CACNA2D1: variants seen among roughly 807,000 people sequenced by gnomAD.
CACNA2D1 encodes voltage-dependent calcium channel subunit alpha-2/delta-1.
CACNA2D1 carries 53 observed loss-of-function variants against 171.5 expected under a neutral mutation model. The observed-to-expected ratio is 0.31, with a 90% CI of 0.25 to 0.39. The LOEUF is 0.39. CACNA2D1 is among the 10% of genes least tolerant of loss of function. The pLI, the probability that CACNA2D1 is intolerant of heterozygous loss-of-function variation, is 1.00. For synonymous variants in CACNA2D1, 442 were observed against 443.1 expected, an observed-to-expected ratio of 1.00 and a Z score of 0.03; for missense variants, 903 against 1,299.8, an observed-to-expected ratio of 0.69 and a Z score of 4.69.
chr7:82,154,448 G>A (rs1457514472), intron 4 of CACNA2D1, among the ~76,000 whole-genome samples: 1 of 151,980 alleles, frequency 6.6e-6, no homozygotes, highest in East Asian at 1.9e-4. Context: ...CACAGGAAGG[G>A]GAACAACACA....
intron 1 of CACNA2D1, among the ~76,000 whole-genome samples, chr7:82,377,036 G>A (rs1823094070): frequency 6.6e-6 from 1 of 152,166 alleles, no homozygotes; most frequent in Non-Finnish European, 1.5e-5. Flanking sequence ...ATTGATAGAA[G>A]CTTCTTGTGC....
intron 18 of CACNA2D1, among the ~76,000 whole-genome samples, chr7:81,998,624 AT>A (rs1223702970): frequency 2.6e-5 from 4 of 152,086 alleles, no homozygotes; most frequent in Non-Finnish European, 5.9e-5. Context: ...ATTTTAAAAA[AT>A]AGCCATGTCT....
chr7:82,317,519 G>C (rs923147022), intron 3 of CACNA2D1, among the ~76,000 whole-genome samples: 1 of 152,256 alleles, frequency 6.6e-6, no homozygotes, highest in Non-Finnish European at 1.5e-5. Context: ...AAATACTTAA[G>C]GAGGAGCAGC....
chr7:82,289,768 G>A (rs1563316609), intron 3 of CACNA2D1, among the ~76,000 whole-genome samples: 1 of 152,218 alleles, frequency 6.6e-6, no homozygotes. Flanking sequence ...GGAGGAACTT[G>A]TCTTTCTAAT....
chr7:82,317,395 G>A (rs1815255254), intron 3 of CACNA2D1, among the ~76,000 whole-genome samples: 1 of 152,146 alleles, frequency 6.6e-6, no homozygotes, highest in Non-Finnish European at 1.5e-5. Context: ...GAAAAGTATG[G>A]CCTGCCTTGA....
intron 24 of CACNA2D1, among the ~76,000 whole-genome samples, chr7:81,978,610 A>G (rs1796098879): frequency 1.3e-5 from 2 of 151,830 alleles, no homozygotes; most frequent in Non-Finnish European, 2.9e-5. Flanking sequence ...CATCAGGACA[A>G]ATTTCTAATT....
intron 28 of CACNA2D1, 93 bp from the exon 29 acceptor site, chr7:81,969,066 G>T: frequency 1.3e-6 from 1 of 787,552 alleles, no homozygotes; most frequent in Non-Finnish European, 2.1e-6. Flanking sequence ...ATAGTATTTT[G>T]CTTAAAAATT....
At chr7:82,102,415 T>C (rs1258667059) in intron 6 of CACNA2D1, among the ~76,000 whole-genome samples, 1 of 127,950 alleles carries the variant, frequency 7.8e-6, no homozygotes, top group Admixed American at 8.1e-5. Flanking sequence ...TCAGGAAGAT[T>C]TAAGTGGAAA....
chr7:82,170,551 G>A lies in CACNA2D1; in HGVS notation c.353C>T (p.Ala118Val). 1.9e-6 allele frequency: 3 copies of A among 1,611,690 alleles called. No individual in the cohort carries two copies. The highest frequency in any genetic ancestry group is 2.5e-6 in the Non-Finnish European group (3 of 1,178,276). ...QAAHQWREDFASNEVVYYNAK... is the reference protein window; with the variant it reads ...QAAHQWREDFVSNEVVYYNAK... ...CAAGTAGTTAAAAGGGGTTCTTACT[G>A]CAAAATCTTCTCTCCACTGGTGAGC... is the stretch of plus-strand genomic sequence containing the variant. The change falls in exon 4 of 39, where the codon GCA (alanine) becomes GTA (valine). Residue 118 changes from alanine (A) to valine (V), a missense_variant and splice_region_variant. By Grantham distance (64) the Ala-to-Val change is moderately conservative. Around this residue, in one of 5 missense-constraint regions of CACNA2D1, gnomAD observed 189 missense variants for 266.8 expected, o/e 0.71. Transcript: ENST00000356860.
rs565800237 is a variant in CACNA2D1, at chr7:81,947,905, A to C, written c.*2487T>G. ...GCATTTATGGTTGTCATAATATATA[A>C]CTTTATAGCAGAAAATAAAGGTTTA... On this transcript the variant is annotated 3_prime_UTR_variant, in exon 39 of 39. Transcript: ENST00000356860. The C allele has an allele frequency of 6.6e-6, 1 of 151,966 alleles. No individual in the cohort carries two copies. The highest frequency in any genetic ancestry group is 2.4e-5 in the African/African-American group (1 of 41,544). 9.4% of individuals were successfully genotyped at this position (151,966 alleles called of 1,614,324 possible).
chr7:82,088,121 G>C (rs1810704736), intron 6 of CACNA2D1, among the ~76,000 whole-genome samples: 1 of 151,754 alleles, frequency 6.6e-6, no homozygotes, highest in South Asian at 2.1e-4. Flanking sequence ...TAACTATTCT[G>C]GTTACAACCG....
At chr7:82,173,577 G>C (rs1185520049) in intron 3 of CACNA2D1, among the ~76,000 whole-genome samples, 1 of 151,430 alleles carries the variant, frequency 6.6e-6, no homozygotes, top group African/African-American at 2.4e-5. Context: ...GTCTATCTCG[G>C]GACTAGAGTC....
chr7:82,235,628 C>T (rs891424712), intron 3 of CACNA2D1, among the ~76,000 whole-genome samples: 1 of 152,074 alleles, frequency 6.6e-6, no homozygotes, highest in Non-Finnish European at 1.5e-5. Flanking sequence ...GATGCAAGTT[C>T]TTAGACTCTT....
chr7:82,273,703 A>G (rs963531443), intron 3 of CACNA2D1, among the ~76,000 whole-genome samples: 6 of 152,164 alleles, frequency 3.9e-5, no homozygotes, highest in African/African-American at 1.4e-4. Flanking sequence ...TTCTGAATAT[A>G]TTAATTGCAA....
At chr7:82,170,923 C>T (rs1795951105) in intron 3 of CACNA2D1, among the ~76,000 whole-genome samples, 3 of 151,968 alleles carry the variant, frequency 2.0e-5, no homozygotes, top group South Asian at 4.1e-4. Flanking sequence ...TAGAAAAACA[C>T]TTAAGTATAC....
chr7:82,140,954 TAAAAAA>T (rs1324664679), intron 4 of CACNA2D1, among the ~76,000 whole-genome samples: 1 of 91,816 alleles, frequency 1.1e-5, no homozygotes, highest in African/African-American at 5.1e-5. Flanking sequence ...GACTCGTCTC[TAAAAAA>T]AAAAAAAAAG....
intron 1 of CACNA2D1, among the ~76,000 whole-genome samples, chr7:82,427,024 C>T (rs1283830765): frequency 1.3e-5 from 2 of 152,136 alleles, no homozygotes; most frequent in Non-Finnish European, 2.9e-5. Flanking sequence ...GTAATGTATA[C>T]ATAGGCAAAA....
intron 6 of CACNA2D1, among the ~76,000 whole-genome samples, chr7:82,114,762 A>C (rs942457780): frequency 2.1e-5 from 1 of 47,946 alleles, no homozygotes; most frequent in Non-Finnish European, 3.7e-5. Flanking sequence ...TCCCAGAAGA[A>C]AAAAAAAAAA....
At chr7:82,342,108 C>CT (rs1420201714) in intron 2 of CACNA2D1, among the ~76,000 whole-genome samples, 1 of 147,534 alleles carries the variant, frequency 6.8e-6, no homozygotes, top group African/African-American at 2.5e-5. Flanking sequence ...CATCTTCACT[C>CT]TAAGTAAATT....
Sources: gnomAD v4.1 joint callset for allele counts (sites outside exome capture counted in the v4.1 genomes callset) on GRCh38, gnomAD v4.1.1 for gene constraint, gnomAD v4.1.1 regional missense constraint, MANE v1.5 for transcripts, NCBI Gene and HGNC (gene_info 2026-07-23, HGNC 2026-07-21) for gene names.